ARHGEF10L: variants seen among roughly 807,000 people sequenced by gnomAD.
The protein encoded by ARHGEF10L is Rho guanine nucleotide exchange factor 10 like, also known as rho guanine nucleotide exchange factor 10-like protein.
A neutral mutation model predicts 141.2 loss-of-function variants in ARHGEF10L; 69 were observed. The observed-to-expected ratio is 0.49, with a 90% confidence interval of 0.40 to 0.60. ARHGEF10L has a LOEUF of 0.60. Ranked by LOEUF, ARHGEF10L falls within the 20% of genes least tolerant of loss-of-function variation. The pLI is 0.00. For synonymous variants in ARHGEF10L, 711 were observed against 718.5 expected, an observed-to-expected ratio of 0.99 and a Z score of 0.17; for missense variants, 1,482 against 1,734.3, an observed-to-expected ratio of 0.85 and a Z score of 2.58.
the ARHGEF10L span, among the ~76,000 whole-genome samples, chr1:17,525,073 C>T: frequency 1.3e-5 from 2 of 152,264 alleles, no homozygotes; most frequent in African/African-American, 4.8e-5. Flanking sequence ...AAACAGGGAG[C>T]TCTCCGGACC....
At chr1:17,664,301 C>T (rs1028686476) in intron 25 of ARHGEF10L, 146 bp from the exon 26 acceptor site, 16 of 898,476 alleles carry the variant, frequency 1.8e-5, no homozygotes, top group South Asian at 7.4e-5. Context: ...GGGACAGCCA[C>T]CACCCAGCTG....
At chr1:17,652,604 C>T (rs1389343631) in intron 22 of ARHGEF10L, among the ~76,000 whole-genome samples, 1 of 152,166 alleles carries the variant, frequency 6.6e-6, no homozygotes, top group Non-Finnish European at 1.5e-5. Context: ...TATTCTGTGG[C>T]ATTTCTGAAC....
At chr1:17,524,879 A>G in the ARHGEF10L span, among the ~76,000 whole-genome samples, 45 of 152,146 alleles carry the variant, frequency 3.0e-4, no homozygotes, top group African/African-American at 9.7e-4. Flanking sequence ...TTATAGGAAC[A>G]AGGTTTAGGA....
chr1:17,576,769 C>T (rs562042775), intron 1 of ARHGEF10L, among the ~76,000 whole-genome samples: 22 of 152,310 alleles, frequency 1.4e-4, no homozygotes, highest in Middle Eastern at 3.4e-3. Flanking sequence ...TTACTCCCAC[C>T]GCCCCAGTGA....
At chr1:17,660,441 A>T (rs954072147) in intron 25 of ARHGEF10L, among the ~76,000 whole-genome samples, 1 of 152,218 alleles carries the variant, frequency 6.6e-6, no homozygotes, top group Non-Finnish European at 1.5e-5. Flanking sequence ...AAGGGTAGAC[A>T]TGGCAATTCC....
At position 17,615,997 on chromosome 1, in the gene ARHGEF10L, T is replaced by C. The variant is rs1415621497; in HGVS notation, c.727-97T>C. On this transcript the variant is annotated intron_variant, in intron 8 of 28. Transcript: ENST00000361221. This position sits in a 1 kb window ranked among gnomAD's most constrained non-coding sequence, Gnocchi z 4.7. ...TGGGAGGGAAGGGTCTGGGTGGTTC[T>C]GATCTCTGCAGGCCGAGGCCTGGGG... 1 of 997,430 alleles carries C rather than the reference T, an allele frequency of 1.0e-6. No homozygotes were observed. The highest frequency in any genetic ancestry group is 1.6e-5 in the African/African-American group (1 of 62,914). The allele number at this position is 997,430 out of a possible 1,614,324, so 61.8% of individuals were successfully genotyped here.
chr1:17,605,827 G>C (rs947116779), intron 6 of ARHGEF10L, among the ~76,000 whole-genome samples: 10 of 152,174 alleles, frequency 6.6e-5, no homozygotes, highest in Non-Finnish European at 1.5e-4. Flanking sequence ...CTAGTTCAGG[G>C]GCCTCCACTG....
chr1:17,694,957 G>A (rs1426686759), intron 27 of ARHGEF10L: 1 of 751,488 alleles, frequency 1.3e-6, no homozygotes, highest in Middle Eastern at 2.3e-4. Flanking sequence ...CTGGTTAGGG[G>A]AGTGCTCAGC....
At position 17,602,234 on chromosome 1, in the gene ARHGEF10L, GGCCCACC is replaced by G; in HGVS notation, c.349+24_349+30del. The G allele has an allele frequency of 1.3e-6, 2 of 1,555,580 alleles. No homozygotes were observed. Among genetic ancestry groups the G allele is most frequent in the Non-Finnish European group, 1.7e-6 (2 of 1,149,460 alleles). ...TCCCGTCGCAGTAAGTCTCCCCTCC[GGCCCACC>G]GCCCACCCCAGGTAGCAAGCTCCAG... On this transcript the variant is annotated intron_variant, in intron 5 of 28. Transcript: ENST00000361221.
At position 17,615,884 on chromosome 1, in the gene ARHGEF10L, G is replaced by A. The variant is rs2059777784; in HGVS notation, c.727-210G>A. 3.6e-6 allele frequency: 2 copies of A among 551,306 alleles called. No individual in the cohort carries two copies. Among genetic ancestry groups the A allele is most frequent in the Non-Finnish European group, 6.7e-6 (2 of 300,224 alleles). 34.2% of individuals were successfully genotyped at this position (551,306 alleles called of 1,614,324 possible). On this transcript the variant is annotated intron_variant, in intron 8 of 28. Coordinates refer to ENST00000361221, the MANE Select transcript of ARHGEF10L (RefSeq NM_018125.4). This position sits in a 1 kb window ranked among gnomAD's most constrained non-coding sequence, Gnocchi z 4.7. ...CCTGAAAGGAAAAAAATCGGTTACA[G>A]CCTCCTGTTGCCCCTAAAGAGGGAG...
rs2065596388 is a variant in ARHGEF10L, at chr1:17,697,520, TC to T, written c.*141del. 1 of 1,239,546 alleles carries T rather than the reference TC, an allele frequency of 8.1e-7. No homozygotes were observed. The highest frequency in any genetic ancestry group is 1.5e-5 in the African/African-American group (1 of 65,590). The allele number at this position is 1,239,546 out of a possible 1,614,324, so 76.8% of individuals were successfully genotyped here. On this transcript the variant is annotated 3_prime_UTR_variant, in exon 29 of 29. Coordinates refer to ENST00000361221, the MANE Select transcript of ARHGEF10L (RefSeq NM_018125.4). The surrounding 1 kb of genome is among the most constrained non-coding windows in gnomAD (Gnocchi z 4.8). ...TACTTGGGCAGAGCAAAGGAAAACC[TC>T]TTGTTTTAAAAAAATTTTTTTCAGA...
intron 2 of ARHGEF10L, 81 bp from the exon 3 acceptor site, chr1:17,587,379 C>A: frequency 7.0e-7 from 1 of 1,431,478 alleles, no homozygotes; most frequent in African/African-American, 1.4e-5. Context: ...CAGTTCCAGC[C>A]ATGCCCACCT....
intron 2 of ARHGEF10L, 34 bp downstream of exon 2, chr1:17,580,666 C>T: frequency 1.9e-6 from 3 of 1,614,036 alleles, no homozygotes. Context: ...CCCTCTCATC[C>T]TTTCTTAGAA....
chr1:17,665,283 G>C (rs2062903641), intron 26 of ARHGEF10L, among the ~76,000 whole-genome samples: 1 of 152,222 alleles, frequency 6.6e-6, no homozygotes, highest in Non-Finnish European at 1.5e-5. Flanking sequence ...CCTCATGAGG[G>C]GCAGTCTTCA....
intron 9 of ARHGEF10L, among the ~76,000 whole-genome samples, chr1:17,617,392 C>T (rs2059868054): frequency 6.6e-6 from 1 of 152,196 alleles, no homozygotes; most frequent in African/African-American, 2.4e-5. Context: ...TCCTGGTCCC[C>T]ACCAGGCTCC....
chr1:17,609,257 C>T (rs938890991), intron 7 of ARHGEF10L, among the ~76,000 whole-genome samples: 1 of 152,238 alleles, frequency 6.6e-6, no homozygotes, highest in Non-Finnish European at 1.5e-5. Flanking sequence ...CACCTGAGTC[C>T]TCAGGCAGCC....
At position 17,664,742 on chromosome 1, in the gene ARHGEF10L, C is replaced by T. The variant is rs2062860652; in HGVS notation, c.3009+147C>T. 1.0e-5 allele frequency: 11 copies of T among 1,090,876 alleles called. No homozygotes were observed. In the South Asian group the frequency reaches 2.0e-4, roughly 20 times the overall value. 67.6% of individuals were successfully genotyped at this position (1,090,876 alleles called of 1,614,324 possible). ...AGTTTGTCCGGAAGCAGAGGGGGCC[C>T]AAGGTCCCTATTGGGCCTGACCTCT... On this transcript the variant is annotated intron_variant, in intron 26 of 28. Coordinates refer to ENST00000361221, the MANE Select transcript of ARHGEF10L (RefSeq NM_018125.4).
At chr1:17,680,651 C>G (rs984960696) in intron 26 of ARHGEF10L, among the ~76,000 whole-genome samples, 1 of 152,034 alleles carries the variant, frequency 6.6e-6, no homozygotes, top group South Asian at 2.1e-4. Context: ...TTTTTGTCCC[C>G]GTGTACAGAT....
chr1:17,603,758 G>A lies in ARHGEF10L; in HGVS notation c.433+167G>A, dbSNP rs539374859. On this transcript the variant is annotated intron_variant, in intron 6 of 28. Transcript: ENST00000361221. This position sits in a 1 kb window ranked among gnomAD's most constrained non-coding sequence, Gnocchi z 4.8. The stretch of plus-strand genomic sequence containing the variant: ...CATCGGGGAGAATCTGGAGATGGCT[G>A]AGGGCGTGGCCACCGGGGCCGGGCA... Among the ~76,000 whole-genome samples the A allele has an allele frequency of 5.3e-5, 8 of 152,366 alleles. No homozygotes were observed. Among genetic ancestry groups the A allele is most frequent in the African/African-American group, 1.9e-4 (8 of 41,582 alleles).
Sources: allele counts gnomAD v4.1 joint callset (sites outside exome capture counted in the v4.1 genomes callset), GRCh38; gene constraint gnomAD v4.1.1; non-coding constraint Gnocchi (gnomAD v3.1); transcripts MANE v1.5; gene names NCBI Gene and HGNC (gene_info 2026-07-23, HGNC 2026-07-21).